Variants in CNTNAP3 observed in about 807,000 individuals in gnomAD.
CNTNAP3 encodes contactin-associated protein-like 3.
A neutral mutation model predicts 92.1 loss-of-function variants in CNTNAP3; 36 were observed. The observed-to-expected ratio is 0.39, with a 90% confidence interval of 0.30 to 0.52. The LOEUF (loss-of-function observed/expected upper bound fraction) is 0.52. CNTNAP3 is among the 20% of genes least tolerant of loss of function. CNTNAP3 has a pLI of 0.76. For synonymous variants in CNTNAP3, 232 were observed against 422.3 expected (o/e 0.55, Z 5.53); for missense variants, 534 against 1,069.6 (o/e 0.50, Z 6.98).
chr9:39,071,356 G>A lies in CNTNAP3; in HGVS notation c.*2534C>T, dbSNP rs568950758. 4.7e-3 allele frequency among the ~76,000 whole-genome samples: 719 copies of A among 151,642 alleles called. 1 individual carries two copies. The highest frequency in any genetic ancestry group is 0.017 in the African/African-American group (684 of 41,246). Reference sequence around the variant, plus strand: ...AAGATTTACAGTGATTTCCTAAGGTGAATTTGGACAAAAATATTGAGATAA... The same window carrying A: ...AAGATTTACAGTGATTTCCTAAGGTAAATTTGGACAAAAATATTGAGATAA... On this transcript the variant is annotated 3_prime_UTR_variant, in exon 24 of 24. Coordinates refer to ENST00000297668, the MANE Select transcript of CNTNAP3 (RefSeq NM_033655.5).
Position 39,142,662 on chromosome 9 carries a change from A to G in CNTNAP3, c.1756+1578T>C, listed in dbSNP as rs144420605. On this transcript the variant is annotated intron_variant, in intron 11 of 23. Coordinates refer to ENST00000297668, the MANE Select transcript of CNTNAP3 (RefSeq NM_033655.5). Reference sequence around the variant, plus strand: ...GCTCCAGCCTGGGCGACAGAGCAAGACTCCGTCTCAAAAAAAAAAAAAAAA... The same window carrying G: ...GCTCCAGCCTGGGCGACAGAGCAAGGCTCCGTCTCAAAAAAAAAAAAAAAA... 6.8e-4 allele frequency among the ~76,000 whole-genome samples: 96 copies of G among 141,968 alleles called. 1 individual carries two copies. The highest frequency in any genetic ancestry group is 2.4e-3 in the African/African-American group (92 of 37,748). 93.1% of individuals were successfully genotyped at this position (141,968 alleles called of 152,430 possible). A position where few individuals can be genotyped will look rare whatever the true frequency, so the allele number is the denominator to read the frequency against.
intron 3 of CNTNAP3, among the ~76,000 whole-genome samples, chr9:39,221,092 T>C (rs1822674590): frequency 3.2e-5 from 1 of 30,786 alleles, no homozygotes; most frequent in African/African-American, 5.2e-5. Flanking sequence ...CTGTCAAAAA[T>C]CAACAGACAA....
chr9:39,079,350 A>G (rs1337083990), intron 21 of CNTNAP3, among the ~76,000 whole-genome samples: 1 of 151,802 alleles, frequency 6.6e-6, no homozygotes, highest in Admixed American at 6.6e-5. Context: ...CCTTCATACT[A>G]TAGTTGCTAT....
At chr9:39,129,037 G>A (rs1405242172) in intron 13 of CNTNAP3, among the ~76,000 whole-genome samples, 1 of 152,008 alleles carries the variant, frequency 6.6e-6, no homozygotes, top group Non-Finnish European at 1.5e-5. Flanking sequence ...TCATGGATTG[G>A]AAGACTCAAA....
chr9:39,067,410 T>A lies in CNTNAP3; in HGVS notation c.*6480A>T, dbSNP rs1477009732. Reference sequence around the variant, plus strand: ...GATTTTACCTCGTTGGGTGTTGGATTTTTTTTTGATGGAGTCTGGCTCTGT... The same window carrying A: ...GATTTTACCTCGTTGGGTGTTGGATATTTTTTTGATGGAGTCTGGCTCTGT... On this transcript the variant is annotated 3_prime_UTR_variant, in exon 24 of 24. Transcript: ENST00000297668. Among the ~76,000 whole-genome samples, 1 of 152,272 alleles carries A rather than the reference T, an allele frequency of 6.6e-6. No individual in the cohort carries two copies. The highest frequency in any genetic ancestry group is 1.9e-4 in the East Asian group (1 of 5,206).
intron 14 of CNTNAP3, among the ~76,000 whole-genome samples, chr9:39,113,983 C>CAT (rs780970791): frequency 6.9e-6 from 1 of 144,126 alleles, no homozygotes; most frequent in African/African-American, 2.6e-5. Flanking sequence ...TACACACACA[C>CAT]ATATATATAC....
chr9:39,097,817 A>T (rs1826360602), intron 18 of CNTNAP3, among the ~76,000 whole-genome samples: 1 of 149,286 alleles, frequency 6.7e-6, no homozygotes, highest in Non-Finnish European at 1.5e-5. Context: ...CTGATTAATA[A>T]ATGTTTCTTC....
chr9:39,139,177 T>C (rs917730127), intron 12 of CNTNAP3, among the ~76,000 whole-genome samples: 1 of 152,128 alleles, frequency 6.6e-6, no homozygotes, highest in African/African-American at 2.4e-5. Flanking sequence ...TCCCCTATCA[T>C]TAGCTAGATT....
At chr9:39,130,763 G>A (rs1325978159) in intron 13 of CNTNAP3, among the ~76,000 whole-genome samples, 15 of 151,718 alleles carry the variant, frequency 9.9e-5, no homozygotes, top group African/African-American at 2.7e-4. Context: ...TCGGCCTCCC[G>A]AAGTGTTGGG....
rs1350413732 is a variant in CNTNAP3 at position 39,168,250 on chromosome 9, C to T, written c.1334-2174G>A. Among the ~76,000 whole-genome samples the T allele has an allele frequency of 2.7e-5, 4 of 149,856 alleles. 1 individual carries two copies. The highest frequency in any genetic ancestry group is 3.0e-5 in the Non-Finnish European group (2 of 66,938). Reference sequence around the variant, plus strand: ...GCCAGGATGGTCTCAATCTCCTGACCTCGTGATCTGCATGCCTTGGCCTCC... The same window carrying T: ...GCCAGGATGGTCTCAATCTCCTGACTTCGTGATCTGCATGCCTTGGCCTCC... On this transcript the variant is annotated intron_variant, in intron 8 of 23. Transcript: ENST00000297668.
intron 18 of CNTNAP3, among the ~76,000 whole-genome samples, chr9:39,094,035 TTTTA>T (rs4062934): frequency 0.24 from 35,485 of 150,540 alleles, 4,405 homozygotes; most frequent in East Asian, 0.38. Flanking sequence ...TATTTTCTGT[TTTTA>T]TTTATTTATT....
chr9:39,179,662 CTT>C (rs543686229), intron 4 of CNTNAP3, among the ~76,000 whole-genome samples: 1 of 1,208 alleles, frequency 8.3e-4, no homozygotes, highest in African/African-American at 5.1e-3. Flanking sequence ...CAGAAAATCT[CTT>C]CTTTTTAAAA....
intron 13 of CNTNAP3, among the ~76,000 whole-genome samples, chr9:39,124,494 A>G (rs1162049128): frequency 6.6e-6 from 1 of 152,174 alleles, no homozygotes; most frequent in East Asian, 1.9e-4. Flanking sequence ...TGGCAACAAA[A>G]GCCAAAATTG....
At chr9:39,138,542 G>A (rs556528120) in intron 12 of CNTNAP3, among the ~76,000 whole-genome samples, 8 of 152,208 alleles carry the variant, frequency 5.3e-5, no homozygotes, top group Non-Finnish European at 1.5e-5. Flanking sequence ...TTGTTAAGAA[G>A]AACAGAAAGC....
intron 13 of CNTNAP3, among the ~76,000 whole-genome samples, chr9:39,123,762 A>G (rs886135582): frequency 1.3e-5 from 2 of 152,194 alleles, no homozygotes; most frequent in Non-Finnish European, 2.9e-5. Context: ...CCATGCAAGC[A>G]AGAAGAAAGT....
At chr9:39,145,779 G>A (rs2118117176) in intron 10 of CNTNAP3, among the ~76,000 whole-genome samples, 1 of 140,214 alleles carries the variant, frequency 7.1e-6, no homozygotes, top group South Asian at 2.4e-4. Context: ...CAAAGGCCAA[G>A]GCATGGAAAA....
In CNTNAP3 at chr9:39,071,595, A is replaced by G. The variant is rs1423457371; in HGVS notation, c.*2295T>C. ...TACTTTTATGTTACAAAAGGGTGTTACTTGCAACTAGCATCTATGTATCTA... is the reference window on the plus strand; with the variant it reads ...TACTTTTATGTTACAAAAGGGTGTTGCTTGCAACTAGCATCTATGTATCTA... On this transcript the variant is annotated 3_prime_UTR_variant, in exon 24 of 24. Coordinates refer to ENST00000297668, the MANE Select transcript of CNTNAP3 (RefSeq NM_033655.5). Among the ~76,000 whole-genome samples, 1 of 152,088 alleles carries G rather than the reference A, an allele frequency of 6.6e-6. No homozygotes were observed. The highest frequency in any genetic ancestry group is 1.5e-5 in the Non-Finnish European group (1 of 67,964).
intron 12 of CNTNAP3, 81 bp from the exon 13 acceptor site, chr9:39,133,216 G>A (rs1283151626): frequency 2.8e-6 from 4 of 1,450,414 alleles, no homozygotes; most frequent in African/African-American, 1.4e-5. Context: ...TGTCTTTTAT[G>A]TGAATTAACG....
At chr9:39,121,824 A>G (rs1821030249) in intron 13 of CNTNAP3, among the ~76,000 whole-genome samples, 1 of 152,138 alleles carries the variant, frequency 6.6e-6, no homozygotes. Context: ...GGAGGGAAGG[A>G]GAAAACATTT....
Sources: allele counts gnomAD v4.1 joint callset (sites outside exome capture counted in the v4.1 genomes callset), GRCh38; gene constraint gnomAD v4.1.1; transcripts MANE v1.5; gene names NCBI Gene and HGNC (gene_info 2026-07-23, HGNC 2026-07-21).